The following CCDC85A variants were observed in gnomAD, a reference collection of about 807,000 sequenced individuals.
CCDC85A encodes the protein coiled-coil domain containing 85A, also known as coiled-coil domain-containing protein 85A.
CCDC85A carries 38 observed loss-of-function variants against 50.2 expected under a neutral mutation model. The observed-to-expected ratio is 0.76, with a 90% CI of 0.58 to 0.99. CCDC85A has a LOEUF of 0.99. Among genes scored for constraint, CCDC85A ranks in the 50% least tolerant of loss-of-function variants. The probability of loss-of-function intolerance (pLI) is 0.00; values close to 1 mark genes in which losing one functional copy is unlikely to be tolerated. For missense variants in CCDC85A, 820 were observed against 742.0 expected (o/e 1.11, Z -1.22); for synonymous variants, 366 against 301.4 (o/e 1.21, Z -2.22).
At chr2:56,359,907 A>T (rs1402341526) in intron 3 of CCDC85A, among the ~76,000 whole-genome samples, 3 of 152,196 alleles carry the variant, frequency 2.0e-5, no homozygotes, top group Non-Finnish European at 4.4e-5. Context: ...GGGAATCTGC[A>T]AGGTGCTTTC....
At chr2:56,271,268 C>A (rs554496168) in intron 2 of CCDC85A, among the ~76,000 whole-genome samples, 2 of 152,116 alleles carry the variant, frequency 1.3e-5, no homozygotes, top group East Asian at 1.9e-4. Context: ...GAATTGCCAG[C>A]GAACAGAGCA....
At chr2:56,271,622 T>G (rs1048440947) in intron 2 of CCDC85A, among the ~76,000 whole-genome samples, 5 of 152,206 alleles carry the variant, frequency 3.3e-5, no homozygotes, top group Admixed American at 2.6e-4. Flanking sequence ...CCTGTCAAGC[T>G]TCTCCTGATC....
chr2:56,333,247 C>A (rs6721952), intron 2 of CCDC85A, among the ~76,000 whole-genome samples: 61,651 of 151,868 alleles, frequency 0.41, 13,785 homozygotes, highest in African/African-American at 0.61. Context: ...GGACTGGGCA[C>A]GTCTCAATGA....
At chr2:56,334,405 G>A (rs1178393310) in intron 2 of CCDC85A, among the ~76,000 whole-genome samples, 1 of 152,158 alleles carries the variant, frequency 6.6e-6, no homozygotes, top group African/African-American at 2.4e-5. Flanking sequence ...GAGGGTTAGT[G>A]AAATATTTTC....
chr2:56,315,781 A>C (rs1284400663), intron 2 of CCDC85A, among the ~76,000 whole-genome samples: 1 of 152,142 alleles, frequency 6.6e-6, no homozygotes, highest in African/African-American at 2.4e-5. Context: ...ATGAATGCAC[A>C]CAAGCAACTC....
chr2:56,202,580 A>C (rs571606236), intron 2 of CCDC85A, among the ~76,000 whole-genome samples: 5 of 152,352 alleles, frequency 3.3e-5, no homozygotes, highest in South Asian at 4.1e-4. Context: ...GCCAGATGGC[A>C]ACACCAAATG....
At chr2:56,326,829 A>C (rs1313501374) in intron 2 of CCDC85A, among the ~76,000 whole-genome samples, 1 of 149,820 alleles carries the variant, frequency 6.7e-6, no homozygotes, top group African/African-American at 2.5e-5. Flanking sequence ...ACTAGGATTA[A>C]GGTGAAGTAT....
At chr2:56,247,079 T>C (rs149133955) in intron 2 of CCDC85A, among the ~76,000 whole-genome samples, 195 of 152,326 alleles carry the variant, frequency 1.3e-3, no homozygotes, top group African/African-American at 4.2e-3. Flanking sequence ...CTCTAAATCA[T>C]GTCCCCTCAA....
At chr2:56,238,911 T>G (rs1669138293) in intron 2 of CCDC85A, among the ~76,000 whole-genome samples, 1 of 152,192 alleles carries the variant, frequency 6.6e-6, no homozygotes, top group Admixed American at 6.5e-5. Flanking sequence ...TGAAGATTAT[T>G]TAACTCCTTT....
intron 3 of CCDC85A, among the ~76,000 whole-genome samples, chr2:56,365,966 A>C (rs1357021763): frequency 4.0e-5 from 6 of 150,122 alleles, no homozygotes; most frequent in Non-Finnish European, 7.5e-5. Context: ...AGTAGAAATA[A>C]ACTTTTTTTT....
chr2:56,283,097 A>G (rs1331997233), intron 2 of CCDC85A, among the ~76,000 whole-genome samples: 1 of 149,916 alleles, frequency 6.7e-6, no homozygotes, highest in African/African-American at 2.5e-5. Flanking sequence ...ATCTGCAAAT[A>G]AAGACAGTTT....
intron 2 of CCDC85A, among the ~76,000 whole-genome samples, chr2:56,204,468 G>T (rs1676879182): frequency 6.6e-6 from 1 of 152,162 alleles, no homozygotes; most frequent in Non-Finnish European, 1.5e-5. Flanking sequence ...AAAAGCCACA[G>T]TGTTAACTCA....
chr2:56,210,870 G>A (rs1406052079), intron 2 of CCDC85A, among the ~76,000 whole-genome samples: 1 of 152,010 alleles, frequency 6.6e-6, no homozygotes, highest in African/African-American at 2.4e-5. Flanking sequence ...TGTATTGGTT[G>A]AAGTAGTCAT....
chr2:56,205,928 C>T (rs929279437), intron 2 of CCDC85A, among the ~76,000 whole-genome samples: 4 of 152,088 alleles, frequency 2.6e-5, no homozygotes, highest in African/African-American at 9.6e-5. Context: ...CATTGGCTGC[C>T]GTTGTCAGGG....
intron 2 of CCDC85A, among the ~76,000 whole-genome samples, chr2:56,250,581 G>A (rs752269236): frequency 6.6e-6 from 1 of 152,150 alleles, no homozygotes; most frequent in African/African-American, 2.4e-5. Flanking sequence ...GAGGAGACAA[G>A]GGCAGGACAT....
chr2:56,368,238 A>T (rs1196020595), intron 3 of CCDC85A, among the ~76,000 whole-genome samples: 1 of 152,170 alleles, frequency 6.6e-6, no homozygotes, highest in East Asian at 1.9e-4. Flanking sequence ...TGAAAAATGC[A>T]CTTTTCTTTG....
At chr2:56,362,444 A>G (rs1465241703) in intron 3 of CCDC85A, among the ~76,000 whole-genome samples, 1 of 152,024 alleles carries the variant, frequency 6.6e-6, no homozygotes, top group Non-Finnish European at 1.5e-5. Flanking sequence ...TATTTTAACT[A>G]TGGGACTGAA....
At chr2:56,321,348 A>G (rs1673175055) in intron 2 of CCDC85A, among the ~76,000 whole-genome samples, 1 of 152,176 alleles carries the variant, frequency 6.6e-6, no homozygotes, top group Non-Finnish European at 1.5e-5. Flanking sequence ...AGAAAGTCAA[A>G]TTGTCCCTGT....
intron 3 of CCDC85A, among the ~76,000 whole-genome samples, chr2:56,352,219 A>G (rs973168061): frequency 3.3e-5 from 5 of 152,252 alleles, no homozygotes; most frequent in Admixed American, 2.0e-4. Context: ...ACAAATATAA[A>G]TGTAATATAT....
Sources: allele counts gnomAD v4.1 joint callset (sites outside exome capture counted in the v4.1 genomes callset), GRCh38; gene constraint gnomAD v4.1.1; transcripts MANE v1.5; gene names NCBI Gene and HGNC (gene_info 2026-07-23, HGNC 2026-07-21).